TDRD10: variants seen among roughly 807,000 people sequenced by gnomAD.
The protein encoded by TDRD10 is tudor domain-containing protein 10.
A neutral mutation model predicts 48.0 loss-of-function variants in TDRD10; 40 were observed. The ratio of observed to expected loss-of-function variants is 0.83; its 90% CI spans 0.65 to 1.09. The LOEUF (loss-of-function observed/expected upper bound fraction) is 1.09, where lower values mean the gene tolerates loss of function less well. TDRD10 is among the 50% of genes least tolerant of loss of function. The pLI is 0.00. For synonymous variants in TDRD10, 162 were observed against 170.4 expected, an observed-to-expected ratio of 0.95 and a Z score of 0.38; for missense variants, 378 against 434.7, an observed-to-expected ratio of 0.87 and a Z score of 1.16.
At chr1:154,523,125 C>T (rs1694143346) in intron 6 of TDRD10, among the ~76,000 whole-genome samples, 1 of 152,140 alleles carries the variant, frequency 6.6e-6, no homozygotes. Flanking sequence ...AGGCTGATCT[C>T]GAACTCCTGA....
intron 9 of TDRD10, 79 bp from the exon 10 acceptor site, chr1:154,544,293 A>C: frequency 6.5e-7 from 1 of 1,545,198 alleles, no homozygotes; most frequent in Non-Finnish European, 8.8e-7. Context: ...TAGCGGTGCT[A>C]ACATAACAGG....
intron 6 of TDRD10, among the ~76,000 whole-genome samples, chr1:154,529,415 A>C (rs1376338726): frequency 6.6e-6 from 1 of 152,156 alleles, no homozygotes; most frequent in Non-Finnish European, 1.5e-5. Context: ...TAACATCGAA[A>C]ACTCAAGAGG....
intron 6 of TDRD10, among the ~76,000 whole-genome samples, chr1:154,525,942 G>A (rs1445063226): frequency 3.5e-5 from 5 of 143,608 alleles, no homozygotes; most frequent in South Asian, 2.2e-4. Context: ...GGTGGCTCAC[G>A]CCGGTAATCC....
chr1:154,532,388 A>G lies in TDRD10; in HGVS notation c.370-9636A>G, dbSNP rs899632894. 2.4e-4 allele frequency among the ~76,000 whole-genome samples: 36 copies of G among 152,002 alleles called. 1 individual carries two copies. The highest frequency in any genetic ancestry group is 8.7e-4 in the African/African-American group (36 of 41,492). On this transcript the variant is annotated intron_variant, in intron 6 of 12. Coordinates refer to ENST00000368482, the MANE Select transcript of TDRD10 (RefSeq NM_182499.4). ...GCTCTGAGTGCGGCCCGCAAAGCCC[A>G]CGCCCACCCAGAACTCTAGCTGTCC...
chr1:154,503,955 A>G (rs1321354321), intron 1 of TDRD10, among the ~76,000 whole-genome samples: 1 of 152,200 alleles, frequency 6.6e-6, no homozygotes, highest in African/African-American at 2.4e-5. Context: ...TGTTTACAGT[A>G]CAACCATCGC....
intron 4 of TDRD10, among the ~76,000 whole-genome samples, chr1:154,515,657 C>T (rs546419469): frequency 6.6e-6 from 1 of 152,330 alleles, no homozygotes; most frequent in East Asian, 1.9e-4. Flanking sequence ...CCTGTCCTTC[C>T]TGCTCTGTGT....
chr1:154,507,010 G>T, intron 2 of TDRD10, 105 bp downstream of exon 2: 14 of 1,606,624 alleles, frequency 8.7e-6, no homozygotes, highest in Non-Finnish European at 1.2e-5. Flanking sequence ...GTCACCCCTG[G>T]CATCTCTTGC....
chr1:154,520,360 G>A lies in TDRD10; in HGVS notation c.198G>A (p.Gln66=), dbSNP rs1255604663. ...ACCCTCTTGATGTCCACAAAATCCA[G>A]AATGGCTGCAAATGGTAATGACTGT... is the stretch of plus-strand genomic sequence containing the variant. The part of the protein sequence containing the change: ...DFNPLDVHKI[Q]NGCKCFAFVD... Residue 66 remains glutamine (Q), a synonymous_variant, in exon 5 of 13, where the codon CAG becomes CAA. Coordinates refer to ENST00000368482, the MANE Select transcript of TDRD10 (RefSeq NM_182499.4). 2.5e-6 allele frequency: 4 copies of A among 1,613,646 alleles called. No individual in the cohort carries two copies. Among genetic ancestry groups the A allele is most frequent in the Non-Finnish European group, 2.5e-6 (3 of 1,179,586 alleles).
At chr1:154,535,752 C>G (rs1012687146) in intron 6 of TDRD10, among the ~76,000 whole-genome samples, 2 of 152,170 alleles carry the variant, frequency 1.3e-5, no homozygotes, top group Non-Finnish European at 2.9e-5. Context: ...TGTACCTGTT[C>G]TCAGAAAGCT....
intron 11 of TDRD10, among the ~76,000 whole-genome samples, chr1:154,545,217 G>A (rs1401705718): frequency 6.6e-6 from 1 of 152,180 alleles, no homozygotes; most frequent in Non-Finnish European, 1.5e-5. Context: ...GAAGAGGGCA[G>A]ATTTCCCACC....
chr1:154,519,038 C>G (rs546802733), intron 4 of TDRD10, among the ~76,000 whole-genome samples: 12 of 152,096 alleles, frequency 7.9e-5, no homozygotes, highest in Non-Finnish European at 1.8e-4. Context: ...GCCATAGAGA[C>G]GTCATTTAAC....
At chr1:154,521,576 G>A in intron 6 of TDRD10, 97 bp downstream of exon 6, 3 of 1,390,364 alleles carry the variant, frequency 2.2e-6, no homozygotes, top group Non-Finnish European at 3.0e-6. Flanking sequence ...CTCCAGTCCA[G>A]TCTGACTGTG....
intron 6 of TDRD10, among the ~76,000 whole-genome samples, chr1:154,525,887 T>C (rs1694285722): frequency 1.1e-5 from 1 of 93,612 alleles, no homozygotes; most frequent in African/African-American, 4.2e-5. Context: ...CAGAGCAAGA[T>C]TCCGTCTCAA....
intron 2 of TDRD10, 121 bp downstream of exon 2, chr1:154,507,026 G>C: frequency 6.3e-7 from 1 of 1,596,116 alleles, no homozygotes; most frequent in Admixed American, 1.8e-5. Context: ...CTTGCCAGTT[G>C]ATCCTAACTC....
chr1:154,546,420 C>T (rs946522694), intron 11 of TDRD10, among the ~76,000 whole-genome samples: 8 of 145,298 alleles, frequency 5.5e-5, no homozygotes, highest in Admixed American at 6.9e-5. Context: ...TTATATATTA[C>T]GTATATATTA....
chr1:154,510,193 C>T (rs73020232), intron 4 of TDRD10, among the ~76,000 whole-genome samples: 28,838 of 149,142 alleles, frequency 0.19, 2,991 homozygotes, highest in South Asian at 0.24. Context: ...CACTTAAGTC[C>T]AAGGAGTTCA....
chr1:154,541,905 G>T, intron 6 of TDRD10, 119 bp from the exon 7 acceptor site: 1 of 931,906 alleles, frequency 1.1e-6, no homozygotes, highest in Non-Finnish European at 1.6e-6. Context: ...CTCTAAAGTC[G>T]GAGTCAGAAC....
chr1:154,536,320 G>A (rs1259825736), intron 6 of TDRD10, among the ~76,000 whole-genome samples: 1 of 152,180 alleles, frequency 6.6e-6, no homozygotes, highest in Admixed American at 6.5e-5. Flanking sequence ...AGGTTGCGGT[G>A]AGCTGAGATT....
intron 7 of TDRD10, 32 bp downstream of exon 7, chr1:154,542,098 A>G: frequency 1.2e-6 from 2 of 1,612,798 alleles, no homozygotes; most frequent in Non-Finnish European, 1.7e-6. Context: ...CTTTCCCAGG[A>G]TGTGGCTTTG....
Sources: allele counts gnomAD v4.1 joint callset (sites outside exome capture counted in the v4.1 genomes callset), GRCh38; gene constraint gnomAD v4.1.1; transcripts MANE v1.5; gene names NCBI Gene and HGNC (gene_info 2026-07-23, HGNC 2026-07-21).